CCDC73: variants seen among roughly 807,000 people sequenced by gnomAD.
The protein encoded by CCDC73 is coiled-coil domain containing 73.
CCDC73 carries 95 observed loss-of-function variants against 116.5 expected under a neutral mutation model. The ratio of observed to expected loss-of-function variants is 0.82; its 90% CI spans 0.69 to 0.97. The LOEUF (loss-of-function observed/expected upper bound fraction) is 0.97. Ranked by LOEUF, CCDC73 falls within the 50% of genes least tolerant of loss-of-function variation. The pLI is 0.00. For missense variants in CCDC73, 1,066 were observed against 1,206.8 expected (o/e 0.88, Z 1.73); for synonymous variants, 398 against 401.3 (o/e 0.99, Z 0.10).
chr11:32,643,319 A>T (rs958965612), intron 12 of CCDC73, among the ~76,000 whole-genome samples: 2 of 152,226 alleles, frequency 1.3e-5, no homozygotes, highest in Non-Finnish European at 2.9e-5. Context: ...TTTCAGGATA[A>T]CATAGATATT....
chr11:32,663,998 G>A (rs1442555131), intron 9 of CCDC73, among the ~76,000 whole-genome samples: 1 of 152,190 alleles, frequency 6.6e-6, no homozygotes, highest in African/African-American at 2.4e-5. Context: ...ATTTGCATAT[G>A]TTGAACCAAC....
chr11:32,810,538 G>A, the CCDC73 span, among the ~76,000 whole-genome samples: 1,480 of 152,202 alleles, frequency 9.7e-3, 21 homozygotes, highest in African/African-American at 0.027. Context: ...AATTCAGCAC[G>A]CCCTTTAAAG....
chr11:32,819,843 T>G, the CCDC73 span, among the ~76,000 whole-genome samples: 1 of 152,190 alleles, frequency 6.6e-6, no homozygotes, highest in Non-Finnish European at 1.5e-5. Flanking sequence ...TATCATTATA[T>G]GGAGGTGGAC....
At chr11:32,829,165 T>C in the CCDC73 span, among the ~76,000 whole-genome samples, 3 of 152,324 alleles carry the variant, frequency 2.0e-5, no homozygotes, top group African/African-American at 4.8e-5. Context: ...TTTATTAATC[T>C]CTATAAATCT....
chr11:32,607,531 C>T (rs1747563662), intron 17 of CCDC73, among the ~76,000 whole-genome samples: 1 of 152,152 alleles, frequency 6.6e-6, no homozygotes, highest in Non-Finnish European at 1.5e-5. Context: ...AGTAGAACAG[C>T]TATCTTATAA....
At chr11:32,743,408 GAAC>G (rs1850207107) in intron 2 of CCDC73, among the ~76,000 whole-genome samples, 1 of 151,888 alleles carries the variant, frequency 6.6e-6, no homozygotes, top group African/African-American at 2.4e-5. Flanking sequence ...CAACTACATG[GAAC>G]AACCTGCTCC....
In CCDC73 at chr11:32,705,648, G is replaced by A. The variant is rs534072425; in HGVS notation, c.208-2704C>T. Among the ~76,000 whole-genome samples, 27 of 152,308 alleles carry A rather than the reference G, an allele frequency of 1.8e-4. No individual in the cohort carries two copies. The South Asian group carries it at 3.1e-3, about 18-fold the overall frequency. On this transcript the variant is annotated intron_variant, in intron 3 of 17. Coordinates refer to ENST00000335185, the MANE Select transcript of CCDC73 (RefSeq NM_001008391.4). ...AGTGAATGGAACAAGTCCAGCGGGT[G>A]CGAGCAAAACTCAAGCAGAGGCACT...
intron 13 of CCDC73, among the ~76,000 whole-genome samples, chr11:32,637,543 ACT>A (rs998878038): frequency 1.7e-4 from 25 of 150,936 alleles, no homozygotes; most frequent in African/African-American, 4.6e-4. Context: ...CCATGCTAGT[ACT>A]CTCTCTTTAT....
At chr11:32,611,292 A>G in intron 16 of CCDC73, 27 bp from the exon 17 acceptor site, 1 of 1,600,500 alleles carries the variant, frequency 6.2e-7, no homozygotes, top group Non-Finnish European at 8.5e-7. Flanking sequence ...AAATGGCAAC[A>G]ACTGAATTTT....
chr11:32,660,562 T>C (rs1443510353), intron 9 of CCDC73, among the ~76,000 whole-genome samples: 1 of 152,094 alleles, frequency 6.6e-6, no homozygotes, highest in African/African-American at 2.4e-5. Context: ...TGATGGCTCA[T>C]ACCTGTAATC....
intron 7 of CCDC73, chr11:32,680,116 T>C (rs2133292127): frequency 6.6e-6 from 1 of 152,348 alleles, no homozygotes; most frequent in South Asian, 2.1e-4. Flanking sequence ...TGATTTAGTT[T>C]TGAAAATGAG....
chr11:32,665,565 A>T (rs970448768), intron 9 of CCDC73, among the ~76,000 whole-genome samples: 3 of 152,002 alleles, frequency 2.0e-5, no homozygotes, highest in African/African-American at 7.3e-5. Flanking sequence ...TGCACGTGAG[A>T]TGGGTCTCCT....
In CCDC73 at chr11:32,622,889, AGAAAAG is replaced by A. The variant is rs1333510444; in HGVS notation, c.1186-6766_1186-6761del. On this transcript the variant is annotated intron_variant, in intron 14 of 17. Coordinates refer to ENST00000335185, the MANE Select transcript of CCDC73 (RefSeq NM_001008391.4). ...AATCAGATGAACGAAATATAATAGA[AGAAAAG>A]GAAAAGATAACTCAAGCAAGAAATA... Among the ~76,000 whole-genome samples, 7 of 152,252 alleles carry A rather than the reference AGAAAAG, an allele frequency of 4.6e-5. No individual in the cohort carries two copies. In the East Asian group the frequency reaches 9.6e-4, roughly 21 times the overall value.
intron 3 of CCDC73, among the ~76,000 whole-genome samples, chr11:32,712,108 T>C (rs911547109): frequency 1.3e-5 from 2 of 152,162 alleles, no homozygotes; most frequent in Admixed American, 6.5e-5. Flanking sequence ...TGAACTTTTA[T>C]TACTTTCTCC....
chr11:32,700,012 C>T (rs527553973), intron 5 of CCDC73, among the ~76,000 whole-genome samples: 1 of 151,148 alleles, frequency 6.6e-6, no homozygotes, highest in African/African-American at 2.4e-5. Context: ...TATAATAAGG[C>T]CTTTATATGG....
intron 1 of CCDC73, among the ~76,000 whole-genome samples, chr11:32,778,913 T>G (rs1320564141): frequency 6.6e-6 from 1 of 152,100 alleles, no homozygotes; most frequent in South Asian, 2.1e-4. Flanking sequence ...CTCCACTTGG[T>G]AAACTTTAAA....
intron 6 of CCDC73, among the ~76,000 whole-genome samples, chr11:32,692,699 C>G (rs948395840): frequency 2.0e-5 from 3 of 152,028 alleles, no homozygotes; most frequent in Non-Finnish European, 2.9e-5. Flanking sequence ...CTTCTATTAT[C>G]CAGGGTAGAG....
intron 14 of CCDC73, among the ~76,000 whole-genome samples, chr11:32,624,545 C>T (rs907309911): frequency 9.2e-5 from 14 of 152,056 alleles, no homozygotes; most frequent in African/African-American, 3.4e-4. Flanking sequence ...TCTATTTTTA[C>T]GGACTTAGAA....
chr11:32,651,175 G>A (rs1362783070), intron 12 of CCDC73, among the ~76,000 whole-genome samples: 1 of 151,968 alleles, frequency 6.6e-6, no homozygotes, highest in Non-Finnish European at 1.5e-5. Flanking sequence ...CCTTCCCATG[G>A]GGCCTTCACC....
Sources: allele counts gnomAD v4.1 joint callset (sites outside exome capture counted in the v4.1 genomes callset), GRCh38; gene constraint gnomAD v4.1.1; transcripts MANE v1.5; gene names NCBI Gene and HGNC (gene_info 2026-07-23, HGNC 2026-07-21).